Variants in KCNIP4 observed in about 807,000 individuals in gnomAD.
KCNIP4 encodes Kv channel-interacting protein 4.
KCNIP4 carries 12 observed loss-of-function variants against 34.0 expected under a neutral mutation model. The observed-to-expected ratio is 0.35, with a 90% CI of 0.23 to 0.57. The LOEUF (loss-of-function observed/expected upper bound fraction) is 0.57, where lower values mean the gene tolerates loss of function less well. Among genes scored for constraint, KCNIP4 ranks in the 20% least tolerant of loss-of-function variants. KCNIP4 has a pLI of 0.83. For synonymous variants in KCNIP4, 124 were observed against 102.2 expected, an observed-to-expected ratio of 1.21 and a Z score of -1.29; for missense variants, 238 against 311.7, an observed-to-expected ratio of 0.76 and a Z score of 1.78.
chr4:21,836,914 A>ATTTTTT (rs201730191), intron 1 of KCNIP4, among the ~76,000 whole-genome samples: 64 of 123,536 alleles, frequency 5.2e-4, no homozygotes, highest in African/African-American at 1.1e-3. Flanking sequence ...GCTGGGATAA[A>ATTTTTT]TTTTTTTTTT....
chr4:21,276,430 G>C (rs1762446486), intron 1 of KCNIP4, among the ~76,000 whole-genome samples: 3 of 143,826 alleles, frequency 2.1e-5, no homozygotes, highest in Admixed American at 7.3e-5. Flanking sequence ...TCGAACGCTT[G>C]ACTTCAAGTA....
At chr4:21,111,872 A>T (rs972663574) in intron 1 of KCNIP4, among the ~76,000 whole-genome samples, 1 of 152,216 alleles carries the variant, frequency 6.6e-6, no homozygotes, top group African/African-American at 2.4e-5. Context: ...TCCTGGCACT[A>T]CATAAGCTGC....
At chr4:21,913,072 C>T (rs1728430394) in intron 1 of KCNIP4, among the ~76,000 whole-genome samples, 1 of 151,788 alleles carries the variant, frequency 6.6e-6, no homozygotes. Context: ...TTGAATGTGC[C>T]CCCTCCAAAA....
chr4:21,547,575 G>T (rs942114718), intron 1 of KCNIP4, among the ~76,000 whole-genome samples: 3 of 151,888 alleles, frequency 2.0e-5, no homozygotes, highest in Non-Finnish European at 4.4e-5. Flanking sequence ...GTAGTCTCTT[G>T]GTTATTCAGA....
At chr4:21,466,271 A>G (rs1273312969) in intron 1 of KCNIP4, among the ~76,000 whole-genome samples, 1 of 152,180 alleles carries the variant, frequency 6.6e-6, no homozygotes, top group Non-Finnish European at 1.5e-5. Flanking sequence ...CACAATGTTT[A>G]TAGTATGCTG....
intron 1 of KCNIP4, among the ~76,000 whole-genome samples, chr4:21,167,784 T>C (rs1401465424): frequency 6.6e-6 from 1 of 152,234 alleles, no homozygotes; most frequent in Non-Finnish European, 1.5e-5. Context: ...TTTTCATTTC[T>C]AAGTACTTCT....
At chr4:20,891,574 T>C (rs1417242435) in intron 1 of KCNIP4, among the ~76,000 whole-genome samples, 1 of 152,020 alleles carries the variant, frequency 6.6e-6, no homozygotes, top group African/African-American at 2.4e-5. Context: ...CACGGCACTC[T>C]AGCCTGGAGA....
intron 1 of KCNIP4, among the ~76,000 whole-genome samples, chr4:21,505,059 C>T (rs368786332): frequency 2.6e-4 from 39 of 152,176 alleles, no homozygotes; most frequent in African/African-American, 8.2e-4. Context: ...ATTTAACTCT[C>T]GAGTGATGAT....
intron 1 of KCNIP4, among the ~76,000 whole-genome samples, chr4:20,947,242 C>A (rs563404190): frequency 6.6e-6 from 1 of 152,178 alleles, no homozygotes; most frequent in South Asian, 2.1e-4. Context: ...CATCTCGGCT[C>A]ACCACAACCT....
chr4:21,579,712 A>T (rs1207458172), intron 1 of KCNIP4, among the ~76,000 whole-genome samples: 2 of 152,174 alleles, frequency 1.3e-5, no homozygotes, highest in African/African-American at 2.4e-5. Flanking sequence ...CTCAGAGTAA[A>T]TGGATAATTC....
At chr4:21,267,483 G>C (rs1577991378) in intron 1 of KCNIP4, among the ~76,000 whole-genome samples, 1 of 151,278 alleles carries the variant, frequency 6.6e-6, no homozygotes. Flanking sequence ...TTGGCTGTGG[G>C]TTTGTCATAA....
chr4:21,519,684 G>GTA lies in KCNIP4; in HGVS notation c.61+428885_61+428886dup, dbSNP rs201999918. The stretch of plus-strand genomic sequence containing the variant: ...TATATACACGTGTGTGTATGTATGT[G>GTA]TATATACACACGTGTGTGTATGTAT... On this transcript the variant is annotated intron_variant, in intron 1 of 8. Transcript: ENST00000382152. Among the ~76,000 whole-genome samples, 340 of 124,794 alleles carry GTA rather than the reference G, an allele frequency of 2.7e-3. 8 individuals carry two copies. The highest frequency in any genetic ancestry group is 9.1e-3 in the African/African-American group (287 of 31,440). 81.9% of individuals were successfully genotyped at this position (124,794 alleles called of 152,430 possible).
At chr4:21,281,824 C>T (rs1762794184) in intron 1 of KCNIP4, among the ~76,000 whole-genome samples, 2 of 152,116 alleles carry the variant, frequency 1.3e-5, no homozygotes, top group Admixed American at 1.3e-4. Flanking sequence ...CTGATTGCAC[C>T]TAATGAGATG....
intron 1 of KCNIP4, among the ~76,000 whole-genome samples, chr4:21,221,666 C>T (rs981901310): frequency 2.0e-4 from 30 of 152,090 alleles, no homozygotes; most frequent in African/African-American, 7.0e-4. Flanking sequence ...CGGGTGGGGA[C>T]ACAAAGCCTA....
intron 1 of KCNIP4, among the ~76,000 whole-genome samples, chr4:20,962,629 T>C (rs1437449644): frequency 6.6e-6 from 1 of 152,220 alleles, no homozygotes; most frequent in Non-Finnish European, 1.5e-5. Flanking sequence ...CTATCCCATT[T>C]ACTTCAAAAA....
chr4:21,713,382 G>T (rs748931377), intron 1 of KCNIP4, among the ~76,000 whole-genome samples: 28 of 152,098 alleles, frequency 1.8e-4, no homozygotes, highest in Non-Finnish European at 3.4e-4. Flanking sequence ...ACACTGCTGG[G>T]ATGATTATTT....
intron 1 of KCNIP4, among the ~76,000 whole-genome samples, chr4:21,121,788 G>A (rs780557489): frequency 2.6e-5 from 4 of 152,128 alleles, no homozygotes; most frequent in African/African-American, 9.7e-5. Flanking sequence ...TTTCCAGTAC[G>A]ATGTCATGAA....
At chr4:21,226,624 A>G (rs1441035211) in intron 1 of KCNIP4, among the ~76,000 whole-genome samples, 3 of 152,154 alleles carry the variant, frequency 2.0e-5, no homozygotes, top group Admixed American at 2.0e-4. Context: ...ATATCTTGAA[A>G]CATAGGGAGG....
chr4:21,767,167 G>A (rs1718474832), intron 1 of KCNIP4, among the ~76,000 whole-genome samples: 1 of 152,134 alleles, frequency 6.6e-6, no homozygotes, highest in African/African-American at 2.4e-5. Flanking sequence ...ATGAAAGAAT[G>A]AGAAGGCCAT....
Sources: gnomAD v4.1 joint callset for allele counts (sites outside exome capture counted in the v4.1 genomes callset) on GRCh38, gnomAD v4.1.1 for gene constraint, MANE v1.5 for transcripts, NCBI Gene and HGNC (gene_info 2026-07-23, HGNC 2026-07-21) for gene names.